TRMT11: variants seen among roughly 807,000 people sequenced by gnomAD.
TRMT11 encodes the protein tRNA methyltransferase 11.
In TRMT11, 53 loss-of-function variants were observed where a neutral mutation model predicts 62.8. The ratio of observed to expected loss-of-function variants is 0.84; its 90% confidence interval spans 0.68 to 1.06. The LOEUF is 1.06. TRMT11 is among the 50% of genes least tolerant of loss of function. The probability of loss-of-function intolerance (pLI) is 0.00; values close to 1 mark genes in which losing one functional copy is unlikely to be tolerated. For missense variants in TRMT11, 556 were observed against 553.4 expected (o/e 1.00, Z -0.05); for synonymous variants, 188 against 190.3 (o/e 0.99, Z 0.10).
chr6:126,104,287 G>A (rs1464972113), intron 17 of TRMT11, among the ~76,000 whole-genome samples: 1 of 152,176 alleles, frequency 6.6e-6, no homozygotes. Context: ...GAGATACAAG[G>A]CCAACTAGTC....
the TRMT11 span, among the ~76,000 whole-genome samples, chr6:126,242,262 C>T: frequency 6.6e-6 from 1 of 152,172 alleles, no homozygotes; most frequent in Non-Finnish European, 1.5e-5. Flanking sequence ...GAACTACAAA[C>T]CACTGCTCAA....
intron 16 of TRMT11, among the ~76,000 whole-genome samples, chr6:126,052,717 G>A (rs1776253969): frequency 6.6e-6 from 1 of 152,226 alleles, no homozygotes; most frequent in African/African-American, 2.4e-5. Context: ...GAGGTCTGAT[G>A]ACATTTAAGT....
chr6:126,031,337 C>T (rs1774153368), intron 12 of TRMT11, among the ~76,000 whole-genome samples: 1 of 152,154 alleles, frequency 6.6e-6, no homozygotes, highest in African/African-American at 2.4e-5. Flanking sequence ...CCATAGTTTT[C>T]ATCACGCAAC....
At chr6:126,198,596 C>T (rs2128251444) in intron 1 of TRMT11, among the ~76,000 whole-genome samples, 1 of 152,254 alleles carries the variant, frequency 6.6e-6, no homozygotes, top group South Asian at 2.1e-4. Context: ...GTGAAGCATG[C>T]ATAAACACCA....
the TRMT11 span, among the ~76,000 whole-genome samples, chr6:126,216,011 T>A: frequency 6.6e-6 from 1 of 152,112 alleles, no homozygotes; most frequent in Non-Finnish European, 1.5e-5. Context: ...CATGAGTAGT[T>A]TATACATCAC....
At chr6:126,045,717 G>A (rs538619533) in intron 16 of TRMT11, among the ~76,000 whole-genome samples, 1 of 152,284 alleles carries the variant, frequency 6.6e-6, no homozygotes, top group Non-Finnish European at 1.5e-5. Context: ...TGAGTGGGCT[G>A]AAGGGTGTAC....
chr6:126,110,907 G>A (rs1295181094), intron 17 of TRMT11, among the ~76,000 whole-genome samples: 1 of 152,078 alleles, frequency 6.6e-6, no homozygotes, highest in Non-Finnish European at 1.5e-5. Context: ...AAATTAGATA[G>A]CAAAGCCACA....
At chr6:126,151,777 C>T (rs1015336745) in intron 21 of TRMT11, among the ~76,000 whole-genome samples, 72 of 118,310 alleles carry the variant, frequency 6.1e-4, no homozygotes, top group Middle Eastern at 5.2e-3. Context: ...CTTCCTTTCA[C>T]CCTTTTCCTT....
intron 18 of TRMT11, among the ~76,000 whole-genome samples, chr6:126,113,691 G>A (rs1473866375): frequency 6.6e-6 from 1 of 152,054 alleles, no homozygotes; most frequent in Non-Finnish European, 1.5e-5. Flanking sequence ...GCCTCAAAAA[G>A]TGATTTCAAT....
intron 17 of TRMT11, among the ~76,000 whole-genome samples, chr6:126,072,203 T>C (rs968780054): frequency 6.6e-5 from 10 of 152,172 alleles, no homozygotes; most frequent in African/African-American, 2.4e-4. Context: ...GGATTTGCTT[T>C]TCCTGAAAAA....
intron 21 of TRMT11, among the ~76,000 whole-genome samples, chr6:126,168,609 C>G (rs1209255970): frequency 6.6e-6 from 1 of 152,208 alleles, no homozygotes; most frequent in African/African-American, 2.4e-5. Flanking sequence ...ACCTCTGCCT[C>G]CTGGGTTCAA....
At chr6:126,158,873 G>T (rs1778152803) in intron 21 of TRMT11, among the ~76,000 whole-genome samples, 1 of 152,148 alleles carries the variant, frequency 6.6e-6, no homozygotes, top group Non-Finnish European at 1.5e-5. Flanking sequence ...CTCTTGAAAT[G>T]GTATTCTCAG....
intron 17 of TRMT11, among the ~76,000 whole-genome samples, chr6:126,105,086 C>A (rs1562323872): frequency 1.3e-5 from 2 of 152,302 alleles, no homozygotes; most frequent in Non-Finnish European, 2.9e-5. Flanking sequence ...AAAGATATTT[C>A]ATTCACAGAA....
chr6:126,068,253 G>A (rs1776746866), intron 17 of TRMT11, among the ~76,000 whole-genome samples: 1 of 152,016 alleles, frequency 6.6e-6, no homozygotes, highest in African/African-American at 2.4e-5. Context: ...TAATAATACT[G>A]TCTGATAAGC....
intron 17 of TRMT11, among the ~76,000 whole-genome samples, chr6:126,093,528 G>A (rs929923811): frequency 2.2e-5 from 3 of 138,996 alleles, no homozygotes; most frequent in Admixed American, 7.5e-5. Flanking sequence ...GGGTGATGCT[G>A]CTTCAATCTT....
At chr6:126,140,050 C>T (rs1241132975) in intron 21 of TRMT11, among the ~76,000 whole-genome samples, 3 of 151,864 alleles carry the variant, frequency 2.0e-5, no homozygotes, top group Non-Finnish European at 4.4e-5. Flanking sequence ...TACATATTTC[C>T]ACTAGTGACA....
chr6:126,129,190 G>A (rs918816923), intron 21 of TRMT11, among the ~76,000 whole-genome samples: 4 of 152,032 alleles, frequency 2.6e-5, no homozygotes, highest in Admixed American at 6.6e-5. Flanking sequence ...TTCTCTCTCT[G>A]ACATTGTCCC....
the TRMT11 span, among the ~76,000 whole-genome samples, chr6:126,243,292 C>T: frequency 1.3e-5 from 2 of 152,270 alleles, no homozygotes; most frequent in African/African-American, 4.8e-5. Context: ...ACAACAGGTG[C>T]TGGAGAGGAC....
intron 21 of TRMT11, among the ~76,000 whole-genome samples, chr6:126,157,195 C>T (rs943907921): frequency 2.6e-5 from 4 of 152,144 alleles, no homozygotes; most frequent in African/African-American, 7.2e-5. Flanking sequence ...TCTGATACCT[C>T]GTCCACACTT....
Sources: allele counts gnomAD v4.1 joint callset (sites outside exome capture counted in the v4.1 genomes callset), GRCh38; gene constraint gnomAD v4.1.1; transcripts MANE v1.5; gene names NCBI Gene and HGNC (gene_info 2026-07-23, HGNC 2026-07-21).